Variants in ODAD3 observed in about 807,000 individuals in gnomAD.
ODAD3 encodes the protein outer dynein arm-docking complex subunit 3.
A neutral mutation model predicts 70.9 loss-of-function variants in ODAD3; 57 were observed. The observed-to-expected ratio is 0.80, with a 90% CI of 0.65 to 1.00. ODAD3 has a LOEUF of 1.00. ODAD3 is among the 50% of genes least tolerant of loss of function. The pLI, the probability that ODAD3 is intolerant of heterozygous loss-of-function variation, is 0.00. For missense variants in ODAD3, 797 were observed against 763.9 expected (o/e 1.04, Z -0.51); for synonymous variants, 327 against 315.9 (o/e 1.04, Z -0.37).
rs772230508 is a variant in ODAD3 at position 11,421,720 on chromosome 19, C to T, written c.1547G>A (p.Gly516Asp). The T allele has an allele frequency of 3.1e-6, 5 of 1,613,260 alleles. No individual in the cohort carries two copies. Among genetic ancestry groups the T allele is most frequent in the Non-Finnish European group, 3.4e-6 (4 of 1,179,992 alleles). Residue 516 changes from glycine to aspartate, a missense_variant, in exon 11 of 13, where the codon GGC (glycine) becomes GAC (aspartate). Transcript: ENST00000356392. ...GCACAGCATCTCCTGCACGTCGTGG[C>T]CCTGGAGCTGCGCCTGCAGTTTCAG... ...KLLKLQAQLQGHDVQEMLCHI... is the reference protein window; with the variant it reads ...KLLKLQAQLQDHDVQEMLCHI...
intron 3 of ODAD3, among the ~76,000 whole-genome samples, chr19:11,429,771 C>T (rs1182393246): frequency 6.6e-6 from 1 of 151,646 alleles, no homozygotes; most frequent in Non-Finnish European, 1.5e-5. Flanking sequence ...ATCTCCTGAC[C>T]TCGTGATCCA....
At chr19:11,428,634 G>A (rs191191919) in intron 3 of ODAD3, among the ~76,000 whole-genome samples, 1 of 152,060 alleles carries the variant, frequency 6.6e-6, no homozygotes, top group African/African-American at 2.4e-5. Context: ...CTGCAGCCTC[G>A]ACCTCCCCAG....
intron 7 of ODAD3, among the ~76,000 whole-genome samples, chr19:11,425,170 T>C (rs903061687): frequency 2.2e-5 from 3 of 138,882 alleles, no homozygotes; most frequent in African/African-American, 8.9e-5. Flanking sequence ...CATATGTGTA[T>C]ATGTACATAT....
chr19:11,421,851 C>T lies in ODAD3; in HGVS notation c.1435-19G>A. 2 of 1,605,300 alleles carry T rather than the reference C, an allele frequency of 1.2e-6. No homozygotes were observed. The highest frequency in any genetic ancestry group is 1.7e-6 in the Non-Finnish European group (2 of 1,175,862). ...CGTCCTCCTGCGGCCAGGGTAGAGC[C>T]GGGTCAGCCGAGAGGGGTGGGGCCT... On this transcript the variant is annotated intron_variant, in intron 10 of 12. Transcript: ENST00000356392.
At chr19:11,435,232 C>G, upstream of ODAD3, 2 of 1,399,964 alleles carry the variant, frequency 1.4e-6, no homozygotes, top group Non-Finnish European at 1.9e-6. Flanking sequence ...GTGGCTGACA[C>G]TGCGTTCTCA....
intron 7 of ODAD3, 64 bp downstream of exon 7, chr19:11,426,079 AG>A: frequency 6.4e-7 from 1 of 1,561,758 alleles, no homozygotes; most frequent in Non-Finnish European, 8.6e-7. Context: ...AGGGAGAGCC[AG>A]GGCATGGCTG....
At position 11,426,886 on chromosome 19, in the gene ODAD3, G is replaced by C; in HGVS notation, c.599C>G (p.Thr200Arg). Residue 200 changes from threonine to arginine, a missense_variant, in exon 4 of 13, where the codon ACG becomes AGG. Physicochemically the swap from Thr to Arg is moderately conservative, Grantham distance 71. Transcript: ENST00000356392. ...LEMAEAQNRH[T>R]EVAKTMRNLE... ...ACCCGCCCCTACCTTGGCCACCTCC[G>C]TGTGTCTGTTTTGCGCCTCCGCCAT... 4 of 1,609,344 alleles carry C rather than the reference G, an allele frequency of 2.5e-6. No homozygotes were observed. The highest frequency in any genetic ancestry group is 3.4e-6 in the Non-Finnish European group (4 of 1,177,192).
chr19:11,435,464 G>A (rs1255922551), upstream of ODAD3: 2 of 362,306 alleles, frequency 5.5e-6, no homozygotes, highest in African/African-American at 2.1e-5. Flanking sequence ...CCGCCATTAA[G>A]AGCTAGCCCT....
At chr19:11,426,045 G>T in intron 7 of ODAD3, 99 bp downstream of exon 7, 5 of 1,463,274 alleles carry the variant, frequency 3.4e-6, no homozygotes, top group Non-Finnish European at 4.5e-6. Context: ...AGGAGAAACA[G>T]AAAATGGGAG....
In ODAD3 at chr19:11,422,703, C is replaced by T. The variant is rs1555721612; in HGVS notation, c.1275G>A (p.Val425=). The T allele has an allele frequency of 8.1e-6, 13 of 1,612,404 alleles. No homozygotes were observed. The Admixed American group carries it at 2.2e-4, about 27-fold the overall frequency. The change falls in exon 9 of 13, where the codon GTG becomes GTA. Residue 425 remains valine (V), a splice_region_variant and synonymous_variant. Transcript: ENST00000356392. The surrounding 1 kb of genome is among the most constrained non-coding windows in gnomAD (Gnocchi z 4.6). ...DLKYSGEATL[V]SQQKLQAEAQ... ...TCCCCAGAGCCCCGGTGCCTCACCT[C>T]ACCAGCGTGGCCTCCCCCGAGTACT...
intron 7 of ODAD3, 59 bp downstream of exon 7, chr19:11,426,085 T>C (rs1176339166): frequency 2.5e-6 from 4 of 1,572,944 alleles, no homozygotes; most frequent in East Asian, 2.3e-5. Context: ...AGCCAGGGCA[T>C]GGCTGGTTTG....
chr19:11,426,838 C>A, intron 4 of ODAD3, 35 bp downstream of exon 4: 1 of 1,612,348 alleles, frequency 6.2e-7, no homozygotes, highest in Non-Finnish European at 8.5e-7. Flanking sequence ...CCCTCCCACA[C>A]GACCCTCTGC....
intron 7 of ODAD3, among the ~76,000 whole-genome samples, chr19:11,424,375 G>A (rs956443890): frequency 1.3e-5 from 2 of 151,674 alleles, no homozygotes; most frequent in Non-Finnish European, 2.9e-5. Context: ...GTGGTGGGGC[G>A]CCTGAAGTCC....
Position 11,426,153 on chromosome 19 carries a change from C to G in ODAD3, c.954G>C (p.Met318Ile), listed in dbSNP as rs746922474. Residue 318 changes from methionine (M) to isoleucine (I), a missense_variant, in exon 7 of 13, where the codon ATG becomes ATC. By Grantham distance (10) the Met-to-Ile change is conservative. Coordinates refer to ENST00000356392, the MANE Select transcript of ODAD3 (RefSeq NM_145045.5). ...AEEKKLENER[M>I]ERKTHREHLL... ...CCCTGGGTGCGCCCACCTTGCGCTC[C>G]ATGCGCTCGTTCTCCAGTTTCTTCT... The G allele has an allele frequency of 6.2e-7, 1 of 1,610,074 alleles. No individual in the cohort carries two copies. The highest frequency in any genetic ancestry group is 1.1e-5 in the South Asian group (1 of 90,868).
chr19:11,432,557 A>AT (rs908898990), intron 1 of ODAD3, among the ~76,000 whole-genome samples: 1 of 150,786 alleles, frequency 6.6e-6, no homozygotes, highest in African/African-American at 2.4e-5. Context: ...GCCCATCTCA[A>AT]TTTTTTTTAA....
At position 11,421,674 on chromosome 19, in the gene ODAD3, C is replaced by G. The variant is rs1468515987; in HGVS notation, c.1590+3G>C. On this transcript the variant is annotated splice_donor_region_variant and intron_variant, in intron 11 of 12. Transcript: ENST00000356392. ...GGAGCTCTGCCCCATGGCTGCAGGG[C>G]ACCTCGCGGTTAGCGATGTGGCACA... 1 of 1,610,472 alleles carries G rather than the reference C, an allele frequency of 6.2e-7. No homozygotes were observed. Among genetic ancestry groups the G allele is most frequent in the Non-Finnish European group, 8.5e-7 (1 of 1,178,344 alleles).
chr19:11,425,384 TGTAC>T lies in ODAD3; in HGVS notation c.963+756_963+759del, dbSNP rs1969315464. Among the ~76,000 whole-genome samples, 56 of 138,330 alleles carry T rather than the reference TGTAC, an allele frequency of 4.0e-4. 1 individual carries two copies. The highest frequency in any genetic ancestry group is 1.4e-3 in the African/African-American group (46 of 33,098). 90.7% of individuals were successfully genotyped at this position (138,330 alleles called of 152,430 possible). A position where few individuals can be genotyped will look rare whatever the true frequency, so the allele number is the denominator to read the frequency against. On this transcript the variant is annotated intron_variant, in intron 7 of 12. Transcript: ENST00000356392. ...GTACATATGTGTATATATGTGTGTA[TGTAC>T]ATATGTGTATATGTATATATACATA...
At position 11,422,784 on chromosome 19, in the gene ODAD3, C is replaced by G. The variant is rs758184941; in HGVS notation, c.1194G>C (p.Thr398=). The change falls in exon 9 of 13, where the codon ACG becomes ACC. Residue 398 remains threonine (T), a synonymous_variant. Coordinates refer to ENST00000356392, the MANE Select transcript of ODAD3 (RefSeq NM_145045.5). This position sits in a 1 kb window ranked among gnomAD's most constrained non-coding sequence, Gnocchi z 4.6. ...GCTTCTCCTGCTTCAGCCTCACCAA[C>G]GTCTGCTCGTTCTCGCTCTTGAGCG... ...LETLKSENEQ[T]LVRLKQEKQQ... The G allele has an allele frequency of 9.3e-6, 15 of 1,611,230 alleles. No homozygotes were observed. The highest frequency in any genetic ancestry group is 1.2e-5 in the Non-Finnish European group (14 of 1,179,922).
intron 7 of ODAD3, among the ~76,000 whole-genome samples, chr19:11,424,466 G>A (rs867171998): frequency 6.7e-6 from 1 of 149,714 alleles, no homozygotes; most frequent in African/African-American, 2.4e-5. Context: ...TAGTCTGAGC[G>A]ACAGAGACCG....
Sources: allele counts gnomAD v4.1 joint callset (sites outside exome capture counted in the v4.1 genomes callset), GRCh38; gene constraint gnomAD v4.1.1; non-coding constraint Gnocchi (gnomAD v3.1); transcripts MANE v1.5; gene names NCBI Gene and HGNC (gene_info 2026-07-23, HGNC 2026-07-21).